Variants in NUGGC observed in about 807,000 individuals in gnomAD.
NUGGC encodes nuclear GTPase SLIP-GC.
A neutral mutation model predicts 92.6 loss-of-function variants in NUGGC; 58 were observed. The ratio of observed to expected loss-of-function variants is 0.63; its 90% confidence interval spans 0.51 to 0.78. NUGGC has a LOEUF of 0.78. Among genes scored for constraint, NUGGC ranks in the 30% least tolerant of loss-of-function variants. The probability of loss-of-function intolerance (pLI) is 0.00; values close to 1 mark genes in which losing one functional copy is unlikely to be tolerated. For missense variants in NUGGC, 925 were observed against 964.6 expected (o/e 0.96, Z 0.54); for synonymous variants, 376 against 366.4 (o/e 1.03, Z -0.30).
chr8:28,060,526 G>A lies in NUGGC; in HGVS notation c.997C>T (p.Leu333Phe), dbSNP rs753686540. 1.2e-5 allele frequency: 19 copies of A among 1,613,736 alleles called. No individual in the cohort carries two copies. The highest frequency in any genetic ancestry group is 1.4e-5 in the Non-Finnish European group (16 of 1,179,824). Residue 333 changes from leucine (L) to phenylalanine (F), a missense_variant, in exon 8 of 19, where the codon CTT (leucine) becomes TTT (phenylalanine). Transcript: ENST00000413272. The part of the protein sequence containing the change: ...RVSGGQAHED[L>F]LNESIKACQR... ...CAGGCTTTGATGCTCTCATTCAGAA[G>A]GTCTTCGTGGGCTTGCCCCCCAGAA...
rs748200495 is a variant in NUGGC, at chr8:28,029,405, G to A, written c.2018-3C>T. On this transcript the variant is annotated splice_region_variant and splice_polypyrimidine_tract_variant and intron_variant, in intron 16 of 18. Coordinates refer to ENST00000413272, the MANE Select transcript of NUGGC (RefSeq NM_001010906.2). ...TTTGCCCGTGATCTGAGCTGCCTCT[G>A]GCAAAAATGATAGCCACAGTCACAC... 1 of 1,611,688 alleles carries A rather than the reference G, an allele frequency of 6.2e-7. No homozygotes were observed. Among genetic ancestry groups the A allele is most frequent in the Non-Finnish European group, 8.5e-7 (1 of 1,178,916 alleles).
At chr8:28,063,277 C>G (rs1458171318) in intron 7 of NUGGC, among the ~76,000 whole-genome samples, 1 of 152,210 alleles carries the variant, frequency 6.6e-6, no homozygotes, top group Admixed American at 6.5e-5. Flanking sequence ...TCAGCCTGAC[C>G]TCCTCAGAGC....
At chr8:28,079,679 T>G (rs1810801521) in intron 1 of NUGGC, among the ~76,000 whole-genome samples, 1 of 152,194 alleles carries the variant, frequency 6.6e-6, no homozygotes, top group African/African-American at 2.4e-5. Flanking sequence ...TTCAATGTTC[T>G]TTTCATCACA....
intron 1 of NUGGC, among the ~76,000 whole-genome samples, chr8:28,074,701 G>A (rs535769744): frequency 1.3e-5 from 2 of 152,346 alleles, no homozygotes; most frequent in East Asian, 3.9e-4. Context: ...CTCTTTGGGA[G>A]GCCAAGGCGG....
intron 1 of NUGGC, among the ~76,000 whole-genome samples, chr8:28,079,211 A>G (rs2130293161): frequency 6.6e-6 from 1 of 152,224 alleles, no homozygotes; most frequent in African/African-American, 2.4e-5. Context: ...AACGCAGGTC[A>G]TTCCTGTACT....
intron 12 of NUGGC, among the ~76,000 whole-genome samples, chr8:28,041,590 G>A (rs13273243): frequency 1 from 152,380 of 152,380 alleles, 76,190 homozygotes; most frequent in Non-Finnish European, 1. Context: ...ACATTTCACG[G>A]GCTTGGACTC....
intron 10 of NUGGC, among the ~76,000 whole-genome samples, chr8:28,049,831 A>G (rs568966990): frequency 6.6e-6 from 1 of 152,374 alleles, no homozygotes; most frequent in East Asian, 1.9e-4. Context: ...CACACCTGTA[A>G]TCCCAGCACT....
intron 12 of NUGGC, among the ~76,000 whole-genome samples, chr8:28,043,562 T>C (rs979176123): frequency 7.2e-5 from 11 of 152,202 alleles, no homozygotes; most frequent in African/African-American, 1.9e-4. Context: ...AACATAGCTA[T>C]TGCAGAATTG....
intron 13 of NUGGC, among the ~76,000 whole-genome samples, chr8:28,039,627 T>C (rs1283602872): frequency 6.6e-6 from 1 of 152,088 alleles, no homozygotes; most frequent in East Asian, 1.9e-4. Context: ...TCGGTGCACA[T>C]AGAAAAGCCT....
At chr8:28,068,945 C>T (rs1810517528) in intron 4 of NUGGC, among the ~76,000 whole-genome samples, 1 of 152,140 alleles carries the variant, frequency 6.6e-6, no homozygotes, top group Admixed American at 6.5e-5. Flanking sequence ...TGCCATATTG[C>T]TCAGGCTGCT....
intron 10 of NUGGC, 113 bp downstream of exon 10, chr8:28,055,852 T>A: frequency 1.7e-6 from 1 of 598,608 alleles, no homozygotes; most frequent in Non-Finnish European, 3.0e-6. Context: ...AGAAACTAAC[T>A]GTCTATTCCA....
Position 28,060,527 on chromosome 8 carries a change from G to A in NUGGC, c.996C>T (p.Asp332=), listed in dbSNP as rs376291899. 128 of 1,613,860 alleles carry A rather than the reference G, an allele frequency of 7.9e-5. No individual in the cohort carries two copies. The highest frequency in any genetic ancestry group is 5.2e-4 in the Admixed American group (31 of 59,996). The part of the protein sequence containing the change: ...ERVSGGQAHE[D]LLNESIKACQ... Reference sequence around the variant, plus strand: ...AGGCTTTGATGCTCTCATTCAGAAGGTCTTCGTGGGCTTGCCCCCCAGAAA... The same window carrying A: ...AGGCTTTGATGCTCTCATTCAGAAGATCTTCGTGGGCTTGCCCCCCAGAAA... The change falls in exon 8 of 19, where the codon GAC becomes GAT. Residue 332 remains aspartate, a synonymous_variant. Transcript: ENST00000413272.
intron 6 of NUGGC, 122 bp from the exon 7 acceptor site, chr8:28,064,853 A>G: frequency 1.3e-6 from 1 of 768,950 alleles, no homozygotes; most frequent in Admixed American, 2.2e-5. Context: ...GTCCAACAGG[A>G]GGCCTGCAAT....
intron 1 of NUGGC, among the ~76,000 whole-genome samples, chr8:28,076,458 C>A (rs1810724827): frequency 6.6e-6 from 1 of 152,164 alleles, no homozygotes; most frequent in African/African-American, 2.4e-5. Flanking sequence ...CACCATCATG[C>A]CTGGCTAATT....
At chr8:28,032,004 C>T (rs1453995539) in intron 14 of NUGGC, among the ~76,000 whole-genome samples, 4 of 152,184 alleles carry the variant, frequency 2.6e-5, no homozygotes, top group Non-Finnish European at 5.9e-5. Flanking sequence ...TGGGAACATC[C>T]GATGAGCTAA....
intron 9 of NUGGC, among the ~76,000 whole-genome samples, chr8:28,057,447 C>T (rs543389032): frequency 2.1e-4 from 32 of 150,422 alleles, no homozygotes; most frequent in African/African-American, 7.8e-4. Flanking sequence ...GTTCAAGTGA[C>T]TGTCCTGCTT....
intron 6 of NUGGC, among the ~76,000 whole-genome samples, chr8:28,065,216 AG>A (rs1563228657): frequency 1.6e-5 from 2 of 125,442 alleles, no homozygotes; most frequent in Non-Finnish European, 3.1e-5. Context: ...ACTGGAGTGC[AG>A]TGGTGCGATC....
intron 10 of NUGGC, among the ~76,000 whole-genome samples, chr8:28,048,810 C>G (rs1809911141): frequency 6.7e-6 from 1 of 148,872 alleles, no homozygotes; most frequent in East Asian, 2.0e-4. Flanking sequence ...TTGCAATGAG[C>G]CAAGATCATG....
At chr8:28,079,128 C>T (rs1810788537) in intron 1 of NUGGC, among the ~76,000 whole-genome samples, 2 of 152,206 alleles carry the variant, frequency 1.3e-5, no homozygotes. Context: ...TCTTGCTTCT[C>T]TCCCCCTCCT....
Sources: gnomAD v4.1 joint callset for allele counts (sites outside exome capture counted in the v4.1 genomes callset) on GRCh38, gnomAD v4.1.1 for gene constraint, MANE v1.5 for transcripts, NCBI Gene and HGNC (gene_info 2026-07-23, HGNC 2026-07-21) for gene names.